LZTS1: variants seen among roughly 807,000 people sequenced by gnomAD.
LZTS1 encodes the protein leucine zipper putative tumor suppressor 1.
LZTS1 carries 31 observed loss-of-function variants against 45.8 expected under a neutral mutation model. The ratio of observed to expected loss-of-function variants is 0.68; its 90% CI spans 0.51 to 0.91. The LOEUF (loss-of-function observed/expected upper bound fraction) is 0.91, where lower values mean the gene tolerates loss of function less well. LZTS1 is among the 40% of genes least tolerant of loss of function. The pLI, the probability that LZTS1 is intolerant of heterozygous loss-of-function variation, is 0.00. For synonymous variants in LZTS1, 359 were observed against 357.3 expected (o/e 1.00, Z -0.05); for missense variants, 821 against 788.9 (o/e 1.04, Z -0.49).
chr8:20,256,523 G>A (rs922009856), intron 1 of LZTS1, among the ~76,000 whole-genome samples: 12 of 152,136 alleles, frequency 7.9e-5, no homozygotes, highest in African/African-American at 1.9e-4. Flanking sequence ...GGTGGCTCAC[G>A]TCTGTAATCC....
rs1388939360 is a variant in LZTS1, at chr8:20,249,383, G to C, written c.*339C>G. 3.8e-6 allele frequency: 1 copy of C among 260,510 alleles called. No homozygotes were observed. The highest frequency in any genetic ancestry group is 7.4e-6 in the Non-Finnish European group (1 of 136,010). The allele number at this position is 260,510 out of a possible 1,614,324, so 16.1% of individuals were successfully genotyped here. A position where few individuals can be genotyped will look rare whatever the true frequency, so the allele number is the denominator to read the frequency against. ...GAAGCAGAGGGGAGCCGCTGTACTT[G>C]CTGTGGCCACCTTCCCTGGAGGAGG... On this transcript the variant is annotated 3_prime_UTR_variant, in exon 4 of 4. Coordinates refer to ENST00000381569, the MANE Select transcript of LZTS1 (RefSeq NM_021020.5).
intron 1 of LZTS1, among the ~76,000 whole-genome samples, chr8:20,272,057 C>T (rs1253504143): frequency 5.3e-5 from 8 of 152,230 alleles, no homozygotes. Context: ...TTATTGTGCA[C>T]AGTCTCCATC....
chr8:20,266,287 A>G (rs577579550), intron 1 of LZTS1, among the ~76,000 whole-genome samples: 41 of 152,250 alleles, frequency 2.7e-4, no homozygotes, highest in Non-Finnish European at 4.4e-4. Flanking sequence ...TTGGCCGCCC[A>G]AAGTGCTGGA....
intron 1 of LZTS1, among the ~76,000 whole-genome samples, chr8:20,263,725 T>G (rs2128894755): frequency 6.6e-6 from 1 of 151,552 alleles, no homozygotes; most frequent in South Asian, 2.1e-4. Context: ...CCACTCAAAG[T>G]GGGGCGCGGG....
chr8:20,273,930 C>A (rs1002616715), intron 1 of LZTS1, among the ~76,000 whole-genome samples: 2 of 152,108 alleles, frequency 1.3e-5, no homozygotes, highest in Non-Finnish European at 2.9e-5. Flanking sequence ...CCTCCCCTCC[C>A]CAGGCCTGCC....
At position 20,253,279 on chromosome 8, in the gene LZTS1, C is replaced by T. The variant is rs765881042; in HGVS notation, c.652G>A (p.Val218Ile). The change falls in exon 3 of 4, where the codon GTC becomes ATC. Residue 218 changes from valine to isoleucine, a missense_variant. Transcript: ENST00000381569. ...CTCATCATGTTGCTGTCCTGGAGGA[C>T]GATGCCCTGGGTGATGTTGTGGGCG... ...GSAHNITQGI[V>I]LQDSNMMSLK... The T allele has an allele frequency of 8.7e-6, 14 of 1,613,972 alleles. No homozygotes were observed. The East Asian group carries it at 8.9e-5, about 10-fold the overall frequency.
At chr8:20,268,251 G>C (rs1210526856) in intron 1 of LZTS1, among the ~76,000 whole-genome samples, 1 of 146,126 alleles carries the variant, frequency 6.8e-6, no homozygotes, top group African/African-American at 2.5e-5. Flanking sequence ...TGTGAGAACA[G>C]TCCCCAGGCA....
In LZTS1 at chr8:20,253,153, C is replaced by T. The variant is rs767923160; in HGVS notation, c.778G>A (p.Glu260Lys). Residue 260 changes from glutamate to lysine, a missense_variant, in exon 3 of 4, where the codon GAG becomes AAG. Transcript: ENST00000381569. ...TGCTCCAGCTCCTGGATGCTGCACT[C>T]GTCCGTGGAGATGGGGGAGCGGACA... ...SCVRSPISTDECSIQELEQKL... is the reference protein window; with the variant it reads ...SCVRSPISTDKCSIQELEQKL... The T allele has an allele frequency of 9.3e-6, 15 of 1,613,322 alleles. No individual in the cohort carries two copies. Among genetic ancestry groups the T allele is most frequent in the East Asian group, 2.2e-5 (1 of 44,886 alleles).
At chr8:20,260,517 T>C (rs568666902) in intron 1 of LZTS1, among the ~76,000 whole-genome samples, 1 of 152,226 alleles carries the variant, frequency 6.6e-6, no homozygotes, top group African/African-American at 2.4e-5. Flanking sequence ...CACGCTGCAA[T>C]TGGGGACTGT....
intron 1 of LZTS1, among the ~76,000 whole-genome samples, chr8:20,264,655 T>G (rs1368151237): frequency 1.3e-5 from 2 of 152,126 alleles, no homozygotes; most frequent in Non-Finnish European, 2.9e-5. Context: ...GTTGACCTGC[T>G]GCAGGTACAG....
chr8:20,255,225 G>T lies in LZTS1; in HGVS notation c.-44C>A. 1 of 1,570,956 alleles carries T rather than the reference G, an allele frequency of 6.4e-7. No homozygotes were observed. The highest frequency in any genetic ancestry group is 1.2e-5 in the South Asian group (1 of 84,870). On this transcript the variant is annotated 5_prime_UTR_variant, in exon 2 of 4. Transcript: ENST00000381569. ...ATGGGGCAGGGCCGGGCAGGGTCTT[G>T]GAAAGGCTGTGGCAGCAAGGGGCAG...
At chr8:20,296,731 G>C (rs1053797937) in intron 1 of LZTS1, among the ~76,000 whole-genome samples, 1 of 151,782 alleles carries the variant, frequency 6.6e-6, no homozygotes, top group Non-Finnish European at 1.5e-5. Context: ...GTGTGTGCAT[G>C]TGTGTGCATG....
intron 1 of LZTS1, among the ~76,000 whole-genome samples, chr8:20,293,695 G>A (rs1369736418): frequency 6.6e-6 from 1 of 152,202 alleles, no homozygotes; most frequent in South Asian, 2.1e-4. Flanking sequence ...CACTTTGGGA[G>A]GTTGGACTGG....
At chr8:20,272,850 T>C (rs1800500270) in intron 1 of LZTS1, among the ~76,000 whole-genome samples, 2 of 152,222 alleles carry the variant, frequency 1.3e-5, no homozygotes, top group South Asian at 4.1e-4. Flanking sequence ...CTTCCAGTTT[T>C]CTATTATTCT....
In LZTS1 at chr8:20,254,942, T is replaced by G. The variant is rs765561520; in HGVS notation, c.240A>C (p.Pro80=). The G allele has an allele frequency of 1.9e-6, 3 of 1,614,084 alleles. No individual in the cohort carries two copies. Among genetic ancestry groups the G allele is most frequent in the Admixed American group, 1.7e-5 (1 of 60,016 alleles). ...CCCCGCTGGACAGTGCCGTGTAATCTGGGTGATGGGAGCCCCGGGCTTTCT... is the reference window on the plus strand; with the variant it reads ...CCCCGCTGGACAGTGCCGTGTAATCGGGGTGATGGGAGCCCCGGGCTTTCT... The part of the protein sequence containing the change: ...VSQKARGSHH[P]DYTALSSGDL... Residue 80 remains proline, a synonymous_variant, in exon 2 of 4, where the codon CCA becomes CCC. Coordinates refer to ENST00000381569, the MANE Select transcript of LZTS1 (RefSeq NM_021020.5).
At position 20,249,808 on chromosome 8, in the gene LZTS1, G is replaced by T. The variant is rs376917114; in HGVS notation, c.1705C>A (p.Arg569Ser). ...RLEKALQQLARGDSAGEPLEV... is the reference protein window; with the variant it reads ...RLEKALQQLASGDSAGEPLEV... The stretch of plus-strand genomic sequence containing the variant: ...AAGGGCTCCCCGGCGCTGTCCCCAC[G>T]TGCCAGCTGCTGCAGGGCCTTCTCC... Residue 569 changes from arginine (R) to serine (S), a missense_variant, in exon 4 of 4, where the codon CGT becomes AGT. Coordinates refer to ENST00000381569, the MANE Select transcript of LZTS1 (RefSeq NM_021020.5). 1.3e-5 allele frequency: 21 copies of T among 1,613,998 alleles called. No homozygotes were observed. In the South Asian group the frequency reaches 1.8e-4, roughly 13 times the overall value.
intron 1 of LZTS1, among the ~76,000 whole-genome samples, chr8:20,273,361 GGATGATTTTTA>G: frequency 6.6e-6 from 1 of 152,104 alleles, no homozygotes; most frequent in South Asian, 2.1e-4. Flanking sequence ...ATCCACATGG[GGATGATTTTTA>G]GATCGTTATC....
intron 1 of LZTS1, among the ~76,000 whole-genome samples, chr8:20,298,090 C>A (rs1004565914): frequency 6.6e-6 from 1 of 151,946 alleles, no homozygotes; most frequent in East Asian, 1.9e-4. Flanking sequence ...GAGACAAAGT[C>A]TTGCTCTGTC....
intron 1 of LZTS1, among the ~76,000 whole-genome samples, chr8:20,266,841 C>T (rs1800367426): frequency 6.6e-6 from 1 of 152,178 alleles, no homozygotes; most frequent in African/African-American, 2.4e-5. Context: ...GGCATGGTGG[C>T]TCACACCTGT....
Sources: allele counts gnomAD v4.1 joint callset (sites outside exome capture counted in the v4.1 genomes callset), GRCh38; gene constraint gnomAD v4.1.1; transcripts MANE v1.5; gene names NCBI Gene and HGNC (gene_info 2026-07-23, HGNC 2026-07-21).